The following ZNF138 variants were observed in gnomAD, a reference collection of about 807,000 sequenced individuals.
ZNF138 encodes the protein zinc finger protein 138, also known as zinc finger protein 138 (clone pHZ-32).
In ZNF138, 33 loss-of-function variants were observed where a neutral mutation model predicts 33.0. The ratio of observed to expected loss-of-function variants is 1.00; its 90% CI spans 0.76 to 1.34. The LOEUF (loss-of-function observed/expected upper bound fraction) is 1.34. Ranked by LOEUF, ZNF138 falls within the 40% of genes most tolerant of loss-of-function variation. The pLI, the probability that ZNF138 is intolerant of heterozygous loss-of-function variation, is 0.00. For synonymous variants in ZNF138, 139 were observed against 120.4 expected, an observed-to-expected ratio of 1.15 and a Z score of -1.01; for missense variants, 360 against 370.8, an observed-to-expected ratio of 0.97 and a Z score of 0.24.
intron 3 of ZNF138, among the ~76,000 whole-genome samples, chr7:64,822,109 T>C (rs1003901913): frequency 2.7e-5 from 4 of 150,506 alleles, no homozygotes; most frequent in Non-Finnish European, 1.5e-5. Context: ...TTAGTAGAGA[T>C]GGGGTTTCAC....
chr7:64,838,242 G>A (rs905848080), downstream of ZNF138, among the ~76,000 whole-genome samples: 4 of 152,326 alleles, frequency 2.6e-5, no homozygotes, highest in East Asian at 1.9e-4. Context: ...CACAGCGGCC[G>A]CTCCGAGGCC....
In ZNF138 at chr7:64,832,289, C is replaced by CCTTATTACA; in HGVS notation, c.*89_*97dup. ...GCAAAGCCTTTAACCAGTTTTCAAC[C>CCTTATTACA]CTTATTACACATAAGATAATTCATA... On this transcript the variant is annotated 3_prime_UTR_variant, in exon 4 of 4. Coordinates refer to ENST00000307355, the MANE Select transcript of ZNF138 (RefSeq NM_001271639.2). The CCTTATTACA allele has an allele frequency of 6.3e-7, 1 of 1,588,346 alleles. No homozygotes were observed. Among genetic ancestry groups the CCTTATTACA allele is most frequent in the Non-Finnish European group, 8.6e-7 (1 of 1,169,216 alleles).
At chr7:64,806,560 G>C (rs115871598) in intron 1 of ZNF138, among the ~76,000 whole-genome samples, 513 of 136,164 alleles carry the variant, frequency 3.8e-3, no homozygotes, top group African/African-American at 0.014. Context: ...TCTGAATCTA[G>C]GTATTGAGAT....
At position 64,831,509 on chromosome 7, in the gene ZNF138, CCA is replaced by C. The variant is rs1790077408; in HGVS notation, c.268_269del (p.Gln90LysfsTer13). 1 of 1,605,578 alleles carries C rather than the reference CCA, an allele frequency of 6.2e-7. No individual in the cohort carries two copies. On this transcript the variant is annotated frameshift_variant, in exon 4 of 4. Transcript: ENST00000307355. LOFTEE classifies it high-confidence loss of function. ...WLEQNIKDSFQKVTLSRYGKY... is the reference protein window; with the variant it reads ...WLEQNIKDSFXKVTLSRYGKY... ...TAGAGCAGAACATAAAAGATTCTTT[CCA>C]AAAAGTGACACTGAGCAGATATGGA...
At position 64,832,464 on chromosome 7, in the gene ZNF138, A is replaced by G. The variant is rs1790175930; in HGVS notation, c.*262A>G. 4 of 1,344,298 alleles carry G rather than the reference A, an allele frequency of 3.0e-6. No homozygotes were observed. The African/African-American group carries it at 4.4e-5, about 15-fold the overall frequency. 83.3% of individuals were successfully genotyped at this position (1,344,298 alleles called of 1,614,324 possible). ...TTTTCACCGATACTCAATCCTTAGT[A>G]CACATAAGAAAATTCATACTGGGGA... On this transcript the variant is annotated 3_prime_UTR_variant, in exon 4 of 4. Coordinates refer to ENST00000307355, the MANE Select transcript of ZNF138 (RefSeq NM_001271639.2).
intron 1 of ZNF138, among the ~76,000 whole-genome samples, chr7:64,809,481 C>A (rs867902527): frequency 6.3e-3 from 1 of 158 alleles, no homozygotes; most frequent in Admixed American, 0.1. Flanking sequence ...GGCGGCTGGC[C>A]GGGCGGGGGG....
Position 64,832,983 on chromosome 7 carries a change from C to A in ZNF138, c.*781C>A. The A allele has an allele frequency of 4.7e-6, 2 of 421,494 alleles. No individual in the cohort carries two copies. The highest frequency in any genetic ancestry group is 3.7e-5 in the South Asian group (2 of 53,778). The allele number at this position is 421,494 out of a possible 1,614,324, so 26.1% of individuals were successfully genotyped here. On this transcript the variant is annotated 3_prime_UTR_variant, in exon 4 of 4. Coordinates refer to ENST00000307355, the MANE Select transcript of ZNF138 (RefSeq NM_001271639.2). ...GAACTTTACTATGCATAAGAAAATT[C>A]AAACTGGAGAGAAACTCTACAAATG...
intron 3 of ZNF138, among the ~76,000 whole-genome samples, chr7:64,826,819 T>G (rs1789655460): frequency 6.6e-6 from 1 of 151,896 alleles, no homozygotes; most frequent in Admixed American, 6.6e-5. Flanking sequence ...CCAGCTAATT[T>G]TTGTATTTTT....
At chr7:64,828,940 A>G (rs931801801) in intron 3 of ZNF138, among the ~76,000 whole-genome samples, 3 of 152,152 alleles carry the variant, frequency 2.0e-5, no homozygotes, top group Non-Finnish European at 4.4e-5. Context: ...TATATTTACA[A>G]CACTTATTAT....
the ZNF138 span, among the ~76,000 whole-genome samples, chr7:64,844,628 G>A: frequency 2.0e-5 from 3 of 151,254 alleles, no homozygotes; most frequent in Non-Finnish European, 4.4e-5. Context: ...CATAGGTTTC[G>A]AGGAACAGGT....
intron 1 of ZNF138, among the ~76,000 whole-genome samples, chr7:64,812,727 G>A (rs774635060): frequency 1.3e-5 from 2 of 152,058 alleles, no homozygotes; most frequent in African/African-American, 4.8e-5. Flanking sequence ...TGTGGTGGTA[G>A]CAGGTAAACA....
chr7:64,832,202 A>AGTCCG lies in ZNF138; in HGVS notation c.960_*1insGTCCG. 6.2e-7 allele frequency: 1 copy of AGTCCG among 1,604,996 alleles called. No homozygotes were observed. The highest frequency in any genetic ancestry group is 8.5e-7 in the Non-Finnish European group (1 of 1,177,444). On this transcript the variant is annotated 3_prime_UTR_variant, in exon 4 of 4. Transcript: ENST00000307355. The stretch of plus-strand genomic sequence containing the variant: ...GTGGCAAAGCTTTTAACCTATCTTA[A>AGTCCG]CAACTTACTGAACATAAGAAAATTT...
rs1018000331 is a variant in ZNF138, at chr7:64,832,276, A to G, written c.*74A>G. 6.3e-7 allele frequency: 1 copy of G among 1,597,966 alleles called. No homozygotes were observed. Among genetic ancestry groups the G allele is most frequent in the Non-Finnish European group, 8.5e-7 (1 of 1,174,682 alleles). On this transcript the variant is annotated 3_prime_UTR_variant, in exon 4 of 4. Coordinates refer to ENST00000307355, the MANE Select transcript of ZNF138 (RefSeq NM_001271639.2). The stretch of plus-strand genomic sequence containing the variant: ...TGTGAAGAATGTGGCAAAGCCTTTA[A>G]CCAGTTTTCAACCCTTATTACACAT...
chr7:64,804,908 TTTC>T (rs1302115965), intron 1 of ZNF138, among the ~76,000 whole-genome samples: 4 of 152,220 alleles, frequency 2.6e-5, no homozygotes, highest in African/African-American at 9.6e-5. Context: ...ATCTGCTCCC[TTTC>T]TTCATAACAC....
chr7:64,844,672 T>TTTTGTTTTG, the ZNF138 span, among the ~76,000 whole-genome samples: 324 of 150,584 alleles, frequency 2.2e-3, no homozygotes, highest in African/African-American at 6.8e-3. Flanking sequence ...TTTATGTGTT[T>TTTTGTTTTG]TTTTGTTTTG....
At chr7:64,815,773 G>A (rs940190279) in intron 3 of ZNF138, 120 bp downstream of exon 3, 1 of 946,350 alleles carries the variant, frequency 1.1e-6, no homozygotes, top group South Asian at 1.7e-5. Flanking sequence ...TGGAAAGCCT[G>A]AGTTTTTTAT....
At chr7:64,845,184 T>G in the ZNF138 span, among the ~76,000 whole-genome samples, 34 of 152,362 alleles carry the variant, frequency 2.2e-4, no homozygotes, top group Non-Finnish European at 4.6e-4. Context: ...ACATACAATG[T>G]TTGGTTTTCC....
the ZNF138 span, among the ~76,000 whole-genome samples, chr7:64,848,940 G>A: frequency 6.6e-6 from 1 of 152,004 alleles, no homozygotes; most frequent in Non-Finnish European, 1.5e-5. Context: ...TCCTGACCTC[G>A]TGATCTGCCC....
intron 3 of ZNF138, among the ~76,000 whole-genome samples, chr7:64,823,403 T>C (rs573369368): frequency 2.9e-4 from 44 of 152,010 alleles, no homozygotes; most frequent in African/African-American, 9.2e-4. Flanking sequence ...TGGCATACTT[T>C]TGGCTCACTG....
Sources: gnomAD v4.1 joint callset for allele counts (sites outside exome capture counted in the v4.1 genomes callset) on GRCh38, gnomAD v4.1.1 for gene constraint, MANE v1.5 for transcripts, NCBI Gene and HGNC (gene_info 2026-07-23, HGNC 2026-07-21) for gene names.